The following PRKN variants were observed in gnomAD, a reference collection of about 807,000 sequenced individuals.
PRKN encodes the protein parkin RBR E3 ubiquitin protein ligase.
Under a neutral mutation model 59.5 loss-of-function variants are expected in PRKN, and 56 were observed. The observed-to-expected ratio is 0.94, with a 90% CI of 0.76 to 1.18. The LOEUF (loss-of-function observed/expected upper bound fraction) is 1.18. PRKN is among the 50% of genes most tolerant of loss of function. The probability of loss-of-function intolerance (pLI) is 0.00; values close to 1 mark genes in which losing one functional copy is unlikely to be tolerated. For synonymous variants in PRKN, 250 were observed against 222.1 expected, an observed-to-expected ratio of 1.13 and a Z score of -1.12; for missense variants, 657 against 596.4, an observed-to-expected ratio of 1.10 and a Z score of -1.06.
intron 3 of PRKN, among the ~76,000 whole-genome samples, chr6:162,251,867 A>C (rs921658084): frequency 1.3e-5 from 2 of 152,216 alleles, no homozygotes; most frequent in Admixed American, 6.5e-5. Flanking sequence ...ACTGCCAAAC[A>C]TTCAGAACCT....
chr6:162,462,872 T>A (rs1791237908), intron 1 of PRKN, among the ~76,000 whole-genome samples: 1 of 152,058 alleles, frequency 6.6e-6, no homozygotes, highest in South Asian at 2.1e-4. Flanking sequence ...GGTGGGTGCA[T>A]CACCTGAGGT....
intron 6 of PRKN, among the ~76,000 whole-genome samples, chr6:161,788,645 T>C (rs1790519471): frequency 7.2e-6 from 1 of 138,630 alleles, no homozygotes; most frequent in African/African-American, 3.4e-5. Flanking sequence ...GAGTGAGCAG[T>C]GAAGGGACTA....
intron 6 of PRKN, among the ~76,000 whole-genome samples, chr6:161,935,550 T>C (rs1489159480): frequency 7.1e-6 from 1 of 140,538 alleles, no homozygotes; most frequent in Non-Finnish European, 1.5e-5. Flanking sequence ...CAAGACCTTG[T>C]TTCCAAAAAA....
intron 9 of PRKN, among the ~76,000 whole-genome samples, chr6:161,392,407 T>C: frequency 6.6e-6 from 1 of 151,578 alleles, no homozygotes; most frequent in East Asian, 2.0e-4. Flanking sequence ...AAAGAAAAAA[T>C]TTAACAAGGT....
intron 1 of PRKN, among the ~76,000 whole-genome samples, chr6:162,695,812 T>C (rs1318415465): frequency 6.6e-6 from 1 of 152,248 alleles, no homozygotes; most frequent in Non-Finnish European, 1.5e-5. Flanking sequence ...ATTGAAATCA[T>C]ATTTGGGAAA....
intron 1 of PRKN, among the ~76,000 whole-genome samples, chr6:162,446,451 G>A (rs192015150): frequency 1.3e-5 from 2 of 152,024 alleles, no homozygotes; most frequent in Non-Finnish European, 1.5e-5. Context: ...TTTTGTAAAG[G>A]GAAACTGCAA....
intron 7 of PRKN, among the ~76,000 whole-genome samples, chr6:161,710,454 G>T (rs1447928761): frequency 1.3e-5 from 2 of 152,198 alleles, no homozygotes; most frequent in Non-Finnish European, 2.9e-5. Context: ...AGTATCTGTT[G>T]TATGTTTTTT....
chr6:162,528,533 G>A (rs1174499079), intron 1 of PRKN, among the ~76,000 whole-genome samples: 2 of 152,038 alleles, frequency 1.3e-5, no homozygotes, highest in Non-Finnish European at 2.9e-5. Flanking sequence ...CTCCTTGAAG[G>A]TTAGTATTGT....
intron 7 of PRKN, among the ~76,000 whole-genome samples, chr6:161,715,650 C>T (rs974325896): frequency 1.3e-5 from 2 of 152,116 alleles, no homozygotes; most frequent in Non-Finnish European, 2.9e-5. Context: ...AGAGGTTCAC[C>T]ACTGTTGCCC....
rs143330376 is a variant in PRKN at position 161,744,036 on chromosome 6, G to A, written c.871+41736C>T. 1.1e-3 allele frequency among the ~76,000 whole-genome samples: 165 copies of A among 152,096 alleles called. 1 individual carries two copies. The highest frequency in any genetic ancestry group is 3.8e-3 in the African/African-American group (156 of 41,490). ...GGGCAGCACCTGATTCATCCACTTGGGTATATGTGGTTTCTGCTTCAGAGA... is the reference window on the plus strand; with the variant it reads ...GGGCAGCACCTGATTCATCCACTTGAGTATATGTGGTTTCTGCTTCAGAGA... On this transcript the variant is annotated intron_variant, in intron 7 of 11. Coordinates refer to ENST00000366898, the MANE Select transcript of PRKN (RefSeq NM_004562.3).
intron 1 of PRKN, among the ~76,000 whole-genome samples, chr6:162,655,174 T>C (rs1252846502): frequency 6.6e-6 from 1 of 152,172 alleles, no homozygotes; most frequent in African/African-American, 2.4e-5. Context: ...TGATCTACAA[T>C]ATAGTTGTTA....
At chr6:161,398,095 G>A (rs548241392) in intron 9 of PRKN, among the ~76,000 whole-genome samples, 2 of 152,152 alleles carry the variant, frequency 1.3e-5, no homozygotes, top group Non-Finnish European at 2.9e-5. Context: ...TTCAATGGAG[G>A]AGGATAAGGT....
At chr6:161,688,816 G>A (rs891574777) in intron 7 of PRKN, among the ~76,000 whole-genome samples, 1 of 152,102 alleles carries the variant, frequency 6.6e-6, no homozygotes, top group African/African-American at 2.4e-5. Context: ...CTGAAGCAAG[G>A]GCATCCCAAC....
intron 2 of PRKN, among the ~76,000 whole-genome samples, chr6:162,333,639 T>A (rs1783696026): frequency 6.6e-6 from 1 of 152,180 alleles, no homozygotes; most frequent in Non-Finnish European, 1.5e-5. Flanking sequence ...TGTCTCTGTC[T>A]TTCTCCTCAG....
At chr6:162,311,752 G>A (rs1190365837) in intron 2 of PRKN, among the ~76,000 whole-genome samples, 1 of 152,044 alleles carries the variant, frequency 6.6e-6, no homozygotes, top group African/African-American at 2.4e-5. Flanking sequence ...GGGTGAGAAA[G>A]CCTTCCCAAG....
In PRKN at chr6:162,354,882, T is replaced by C. The variant is rs546795234; in HGVS notation, c.171+88428A>G. Among the ~76,000 whole-genome samples, 429 of 152,196 alleles carry C rather than the reference T, an allele frequency of 2.8e-3. 1 individual carries two copies. The highest frequency in any genetic ancestry group is 9.9e-3 in the African/African-American group (410 of 41,564). On this transcript the variant is annotated intron_variant, in intron 2 of 11. Transcript: ENST00000366898. The stretch of plus-strand genomic sequence containing the variant: ...AATTACTAGTTTATTTATGCAGTTA[T>C]CCTTATTTGGAGACTCTTAAAATAT...
chr6:161,659,312 G>T (rs1328847772), intron 7 of PRKN, among the ~76,000 whole-genome samples: 1 of 152,152 alleles, frequency 6.6e-6, no homozygotes, highest in Admixed American at 6.5e-5. Context: ...TAATATAGGA[G>T]TCCAGTGGCT....
At chr6:162,347,254 G>GA (rs997571861) in intron 2 of PRKN, among the ~76,000 whole-genome samples, 7 of 147,524 alleles carry the variant, frequency 4.7e-5, no homozygotes, top group Admixed American at 1.4e-4. Context: ...CCTTTCTGAT[G>GA]AAAAAAAAAT....
At chr6:161,869,467 T>C (rs993956808) in intron 6 of PRKN, among the ~76,000 whole-genome samples, 4 of 152,184 alleles carry the variant, frequency 2.6e-5, no homozygotes, top group Non-Finnish European at 4.4e-5. Flanking sequence ...GTGCTATGTT[T>C]TGAGCTGATA....
Sources: gnomAD v4.1 joint callset for allele counts (sites outside exome capture counted in the v4.1 genomes callset) on GRCh38, gnomAD v4.1.1 for gene constraint, MANE v1.5 for transcripts, NCBI Gene and HGNC (gene_info 2026-07-23, HGNC 2026-07-21) for gene names.